Variants in OTOG observed in about 807,000 individuals in gnomAD.
OTOG encodes otogelin.
Under a neutral mutation model 313.8 loss-of-function variants are expected in OTOG, and 296 were observed. The observed-to-expected ratio is 0.94, with a 90% confidence interval of 0.86 to 1.04. OTOG has a LOEUF of 1.04. Ranked by LOEUF, OTOG falls within the 50% of genes least tolerant of loss-of-function variation. The probability of loss-of-function intolerance (pLI) is 0.00; values close to 1 mark genes in which losing one functional copy is unlikely to be tolerated. For synonymous variants in OTOG, 1,533 were observed against 1,554.9 expected, an observed-to-expected ratio of 0.99 and a Z score of 0.33; for missense variants, 3,948 against 3,840.1, an observed-to-expected ratio of 1.03 and a Z score of -0.74.
At chr11:17,614,863 G>A (rs1482054600) in intron 39 of OTOG, among the ~76,000 whole-genome samples, 1 of 152,206 alleles carries the variant, frequency 6.6e-6, no homozygotes, top group African/African-American at 2.4e-5. Flanking sequence ...GTTACATACA[G>A]GTTTTGTGTA....
intron 39 of OTOG, among the ~76,000 whole-genome samples, chr11:17,617,838 A>G (rs886931901): frequency 8.6e-5 from 13 of 150,798 alleles, no homozygotes; most frequent in Non-Finnish European, 1.2e-4. Context: ...TGCTTACTTT[A>G]GGTTTAATTT....
chr11:17,630,259 A>ACACCAT (rs1479477326), intron 40 of OTOG, among the ~76,000 whole-genome samples: 25 of 152,016 alleles, frequency 1.6e-4, no homozygotes, highest in Non-Finnish European at 3.1e-4. Flanking sequence ...ACCACCACCA[A>ACACCAT]CACCATCACC....
chr11:17,574,612 G>A, intron 19 of OTOG, 108 bp from the exon 20 acceptor site: 8 of 1,180,574 alleles, frequency 6.8e-6, no homozygotes, highest in Non-Finnish European at 9.4e-6. Context: ...TCAGACAAAT[G>A]TCTGAACTTC....
At chr11:17,631,394 G>GT (rs1854122979) in intron 40 of OTOG, among the ~76,000 whole-genome samples, 1 of 148,536 alleles carries the variant, frequency 6.7e-6, no homozygotes, top group South Asian at 2.2e-4. Flanking sequence ...GTGTGTGGGG[G>GT]GGGGTATACA....
At position 17,611,105 on chromosome 11, in the gene OTOG, G is replaced by A. The variant is rs1565117306; in HGVS notation, c.5805G>A (p.Thr1935=). 15 of 1,550,494 alleles carry A rather than the reference G, an allele frequency of 9.7e-6. No homozygotes were observed. Among genetic ancestry groups the A allele is most frequent in the South Asian group, 3.6e-5 (3 of 84,054 alleles). Residue 1935 remains threonine (T), a synonymous_variant, in exon 36 of 56, where the codon ACG becomes ACA. Transcript: ENST00000399397. ...CAGAGGGTGGGCCCACAGAGCTCAC[G>A]CCTGCTACGAGCCACCCTCTCACGC... ...GSAEGGPTEL[T]PATSHPLTPL... is the part of the protein sequence containing the mutation.
intron 39 of OTOG, among the ~76,000 whole-genome samples, chr11:17,625,509 T>C (rs1054790156): frequency 6.6e-6 from 1 of 152,246 alleles, no homozygotes; most frequent in Admixed American, 6.5e-5. Context: ...AAAGCCTACT[T>C]GATCGTGGTG....
chr11:17,610,498 C>T lies in OTOG; in HGVS notation c.5198C>T (p.Pro1733Leu). Residue 1733 changes from proline to leucine, a missense_variant, in exon 36 of 56, where the codon CCC becomes CTC. Transcript: ENST00000399397. ...TEKGEAGHSQ[P>L]MGSPASPQPH... is the part of the protein sequence containing the mutation. The stretch of plus-strand genomic sequence containing the variant: ...AAGGGCGAAGCCGGGCACAGCCAGC[C>T]CATGGGCTCGCCTGCCTCCCCACAG... 1.3e-6 allele frequency: 2 copies of T among 1,550,610 alleles called. No homozygotes were observed. The highest frequency in any genetic ancestry group is 2.4e-5 in the South Asian group (2 of 84,056).
chr11:17,602,072 C>A (rs1853268144), intron 31 of OTOG, 138 bp from the exon 32 acceptor site: 1 of 965,224 alleles, frequency 1.0e-6, no homozygotes, highest in Non-Finnish European at 1.5e-6. Context: ...TCCCTGAGAT[C>A]TGGGATGAAG....
At chr11:17,625,473 T>C (rs1853961372) in intron 39 of OTOG, among the ~76,000 whole-genome samples, 1 of 152,240 alleles carries the variant, frequency 6.6e-6, no homozygotes. Context: ...TTTGTATATG[T>C]TGAACCAACA....
At chr11:17,561,223 C>T in intron 14 of OTOG, 86 bp downstream of exon 14, 2 of 1,455,100 alleles carry the variant, frequency 1.4e-6, no homozygotes, top group Non-Finnish European at 1.9e-6. Flanking sequence ...GCCAGGCTTG[C>T]TGCGGGTGGG....
At position 17,635,170 on chromosome 11, in the gene OTOG, G is replaced by C. The variant is rs1854234380; in HGVS notation, c.7676G>C (p.Cys2559Ser). ...ACGGGCCGCCTGGGGGACTCCTGCTGCACCTCCTACTTCTGCGGTGGGTCG... is the reference window on the plus strand; with the variant it reads ...ACGGGCCGCCTGGGGGACTCCTGCTCCACCTCCTACTTCTGCGGTGGGTCG... ...LITGRLGDSCCTSYFCACGDC... is the reference protein window; with the variant it reads ...LITGRLGDSCSTSYFCACGDC... Residue 2559 changes from cysteine to serine, a missense_variant, in exon 46 of 56, where the codon TGC becomes TCC. By Grantham distance (112) the Cys-to-Ser change is moderately radical. Transcript: ENST00000399397. The C allele has an allele frequency of 6.5e-7, 1 of 1,546,334 alleles. No homozygotes were observed. The highest frequency in any genetic ancestry group is 1.2e-5 in the South Asian group (1 of 84,008).
chr11:17,569,202 A>G lies in OTOG; in HGVS notation c.1691A>G (p.Gln564Arg), dbSNP rs1170418609. 6.4e-7 allele frequency: 1 copy of G among 1,550,664 alleles called. No individual in the cohort carries two copies. The highest frequency in any genetic ancestry group is 8.7e-7 in the Non-Finnish European group (1 of 1,147,016). The change falls in exon 16 of 56, where the codon CAG becomes CGG. Residue 564 changes from glutamine (Q) to arginine (R), a missense_variant. Transcript: ENST00000399397. The part of the protein sequence containing the change: ...CVQSVSVILH[Q>R]DPRRQVTLTQ... ...CAGTCAGTGTCAGTGATTCTGCACC[A>G]GGACCCTCGGAGGCAGGTGACCCTG...
intron 39 of OTOG, 64 bp from the exon 40 acceptor site, chr11:17,629,069 T>A: frequency 7.5e-7 from 1 of 1,327,836 alleles, no homozygotes; most frequent in African/African-American, 1.5e-5. Flanking sequence ...GACGGACAGA[T>A]GGATGGATGG....
At chr11:17,595,895 C>T in intron 28 of OTOG, 143 bp from the exon 29 acceptor site, 1 of 663,108 alleles carries the variant, frequency 1.5e-6, no homozygotes. Flanking sequence ...TAGGTCCCTT[C>T]TACACTCAAG....
At chr11:17,609,064 C>A (rs575054306) in intron 34 of OTOG, 66 bp from the exon 35 acceptor site, 2 of 1,299,594 alleles carry the variant, frequency 1.5e-6, no homozygotes, top group African/African-American at 1.5e-5. Context: ...TGTGCTCAAT[C>A]GAGAGAAAAA....
chr11:17,561,819 G>A lies in OTOG; in HGVS notation c.1644+12G>A, dbSNP rs1590000620. The A allele has an allele frequency of 2.4e-5, 37 of 1,549,772 alleles. No homozygotes were observed. The East Asian group carries it at 9.0e-4, about 38-fold the overall frequency. On this transcript the variant is annotated intron_variant, in intron 15 of 55. Coordinates refer to ENST00000399397, the MANE Select transcript of OTOG (RefSeq NM_001292063.2). ...CCCCATGTGGCCTGGTAAGAGCTGG[G>A]GATCCCCAGGCCCGATCCACCCAGC... is the stretch of plus-strand genomic sequence containing the variant.
At chr11:17,625,856 T>G (rs1481858540) in intron 39 of OTOG, among the ~76,000 whole-genome samples, 2 of 152,192 alleles carry the variant, frequency 1.3e-5, no homozygotes, top group East Asian at 1.9e-4. Flanking sequence ...TTTGGGGTAT[T>G]ATTCAAGAAA....
intron 16 of OTOG, among the ~76,000 whole-genome samples, chr11:17,569,795 T>C (rs993967938): frequency 3.3e-5 from 5 of 152,194 alleles, no homozygotes; most frequent in Admixed American, 1.3e-4. Flanking sequence ...TACAATAAAA[T>C]CTAAAATTTA....
intron 54 of OTOG, among the ~76,000 whole-genome samples, chr11:17,644,017 G>A (rs143273410): frequency 1.4e-4 from 21 of 152,328 alleles, no homozygotes; most frequent in African/African-American, 4.8e-4. Flanking sequence ...GCAGGCAGCC[G>A]CATTGCTATG....
Sources: allele counts gnomAD v4.1 joint callset (sites outside exome capture counted in the v4.1 genomes callset), GRCh38; gene constraint gnomAD v4.1.1; transcripts MANE v1.5; gene names NCBI Gene and HGNC (gene_info 2026-07-23, HGNC 2026-07-21).